Variants in TANK observed in about 807,000 individuals in gnomAD.
TANK encodes TRAF family member associated NFKB activator, also known as TRAF family member-associated NF-kappa-B activator.
TANK carries 15 observed loss-of-function variants against 43.6 expected under a neutral mutation model. The ratio of observed to expected loss-of-function variants is 0.34; its 90% CI spans 0.23 to 0.53. The LOEUF is 0.53. Among genes scored for constraint, TANK ranks in the 20% least tolerant of loss-of-function variants. The probability of loss-of-function intolerance (pLI) is 0.94; values close to 1 mark genes in which losing one functional copy is unlikely to be tolerated. For synonymous variants in TANK, 162 were observed against 178.2 expected, an observed-to-expected ratio of 0.91 and a Z score of 0.73; for missense variants, 417 against 498.6, an observed-to-expected ratio of 0.84 and a Z score of 1.56.
chr2:161,177,260 CATT>C (rs1469629605), intron 1 of TANK, among the ~76,000 whole-genome samples: 1 of 152,098 alleles, frequency 6.6e-6, no homozygotes, highest in Non-Finnish European at 1.5e-5. Context: ...AAAGTAATGA[CATT>C]GTTATCCAAA....
chr2:161,148,666 A>T (rs757281230), intron 1 of TANK, among the ~76,000 whole-genome samples: 3 of 152,102 alleles, frequency 2.0e-5, no homozygotes, highest in Non-Finnish European at 4.4e-5. Flanking sequence ...ATATTTAGGT[A>T]ATTGATCGAT....
At chr2:161,160,912 C>A in intron 1 of TANK, 1 of 426,576 alleles carries the variant, frequency 2.3e-6, no homozygotes, top group South Asian at 1.9e-5. Context: ...GTTACTCTTT[C>A]GAAAACTTAA....
Position 161,201,112 on chromosome 2 carries a change from ACT to A in TANK, c.100-2372_100-2371del. 3 of 985,116 alleles carry A rather than the reference ACT, an allele frequency of 3.0e-6. No homozygotes were observed. In the South Asian group the frequency reaches 1.4e-4, roughly 46 times the overall value. 61.0% of individuals were successfully genotyped at this position (985,116 alleles called of 1,614,324 possible). A position where few individuals can be genotyped will look rare whatever the true frequency, so the allele number is the denominator to read the frequency against. ...TGAAAAGTGTAGGAGGAAAACATGG[ACT>A]CTTGCTGTTCTGTTTCCCTTACTAT... On this transcript the variant is annotated intron_variant, in intron 2 of 7. Coordinates refer to ENST00000392749, the MANE Select transcript of TANK (RefSeq NM_001199135.3).
intron 2 of TANK, among the ~76,000 whole-genome samples, chr2:161,181,950 C>T (rs1685448235): frequency 1.3e-5 from 2 of 152,036 alleles, no homozygotes; most frequent in African/African-American, 4.8e-5. Flanking sequence ...CTGTGAAACT[C>T]TGAAGTCTAA....
At position 161,231,119 on chromosome 2, in the gene TANK, C is replaced by G. The variant is rs776230993; in HGVS notation, c.669C>G (p.Asp223Glu). ...GAGGACTGTGCAGAGATGAGGAAGACACCTCTTTTGAATCACTTTCTAAAT... is the reference window on the plus strand; with the variant it reads ...GAGGACTGTGCAGAGATGAGGAAGAGACCTCTTTTGAATCACTTTCTAAAT... Reference protein sequence around the residue: ...TPRGLCRDEEDTSFESLSKFN... With the variant: ...TPRGLCRDEEETSFESLSKFN... Residue 223 changes from aspartate to glutamate, a missense_variant, in exon 7 of 8, where the codon GAC becomes GAG. Transcript: ENST00000392749. 1 of 1,614,124 alleles carries G rather than the reference C, an allele frequency of 6.2e-7. No individual in the cohort carries two copies. Among genetic ancestry groups the G allele is most frequent in the Admixed American group, 1.7e-5 (1 of 60,024 alleles).
intron 6 of TANK, among the ~76,000 whole-genome samples, chr2:161,226,332 C>T (rs1687612912): frequency 6.6e-6 from 1 of 152,022 alleles, no homozygotes; most frequent in African/African-American, 2.4e-5. Flanking sequence ...AACAGTGTCA[C>T]AAATAATAAG....
At chr2:161,147,653 T>G (rs531393279) in intron 1 of TANK, among the ~76,000 whole-genome samples, 1 of 152,334 alleles carries the variant, frequency 6.6e-6, no homozygotes, top group East Asian at 1.9e-4. Flanking sequence ...CCTGGTCAGT[T>G]CTGATGACAG....
intron 7 of TANK, among the ~76,000 whole-genome samples, chr2:161,233,905 T>A (rs945090439): frequency 1.3e-5 from 2 of 152,186 alleles, no homozygotes; most frequent in African/African-American, 4.8e-5. Flanking sequence ...AACTAGATTT[T>A]TGTTTGTATG....
chr2:161,208,105 C>T (rs1421321422), intron 4 of TANK: 8 of 956,892 alleles, frequency 8.4e-6, no homozygotes, highest in Non-Finnish European at 7.5e-6. Context: ...TTTCTTTAGA[C>T]AATTTGTTTT....
intron 1 of TANK, among the ~76,000 whole-genome samples, chr2:161,172,874 C>T (rs1043912988): frequency 6.6e-6 from 1 of 152,262 alleles, no homozygotes; most frequent in South Asian, 2.1e-4. Flanking sequence ...TTCCCCTGCT[C>T]TAGTTCAAGC....
chr2:161,203,456 A>G (rs1485097462), intron 2 of TANK, 31 bp from the exon 3 acceptor site: 1 of 1,443,450 alleles, frequency 6.9e-7, no homozygotes, highest in East Asian at 2.3e-5. Context: ...CTATCAGTGA[A>G]TATCAGGCTA....
At chr2:161,212,107 C>A in intron 4 of TANK, 1 of 548,798 alleles carries the variant, frequency 1.8e-6, no homozygotes, top group Non-Finnish European at 2.3e-6. Context: ...GTCACCCATA[C>A]TGGGGTGCAG....
At chr2:161,139,598 T>C (rs2105206904) in intron 1 of TANK, 1 of 577,650 alleles carries the variant, frequency 1.7e-6, no homozygotes, top group South Asian at 7.6e-5. Flanking sequence ...GATTTATTGT[T>C]GCTCCAATTA....
intron 2 of TANK, among the ~76,000 whole-genome samples, chr2:161,190,635 G>A (rs969670071): frequency 3.3e-5 from 5 of 152,256 alleles, no homozygotes; most frequent in Admixed American, 2.6e-4. Flanking sequence ...AAAATGGAAA[G>A]AAAATTGTAC....
intron 4 of TANK, among the ~76,000 whole-genome samples, chr2:161,214,113 A>C (rs140985574): frequency 1.3e-5 from 2 of 152,334 alleles, no homozygotes; most frequent in Non-Finnish European, 2.9e-5. Flanking sequence ...GCTTACTGTG[A>C]CAGGTACAGG....
chr2:161,181,558 A>C (rs1346379859), intron 2 of TANK, among the ~76,000 whole-genome samples: 1 of 152,210 alleles, frequency 6.6e-6, no homozygotes, highest in East Asian at 1.9e-4. Context: ...CAATCATGGC[A>C]GAAGGCAAAG....
Position 161,231,185 on chromosome 2 carries a change from C to G in TANK, c.735C>G (p.Phe245Leu), listed in dbSNP as rs199974071. 1 of 1,614,002 alleles carries G rather than the reference C, an allele frequency of 6.2e-7. No individual in the cohort carries two copies. Among genetic ancestry groups the G allele is most frequent in the African/African-American group, 1.3e-5 (1 of 75,040 alleles). ...KFPPMDNDST[F>L]LHSTPERPGI... is the part of the protein sequence containing the mutation. ...CACCTATGGACAATGACTCAACTTT[C>G]TTACATAGCACTCCAGAGAGACCCG... is the stretch of plus-strand genomic sequence containing the variant. Residue 245 changes from phenylalanine to leucine, a missense_variant, in exon 7 of 8, where the codon TTC becomes TTG. Transcript: ENST00000392749.
chr2:161,177,888 C>T (rs1399320130), intron 1 of TANK, among the ~76,000 whole-genome samples: 1 of 152,020 alleles, frequency 6.6e-6, no homozygotes, highest in Admixed American at 6.6e-5. Flanking sequence ...GATAAATTGC[C>T]AGAGTTACAC....
At chr2:161,212,448 C>G in intron 4 of TANK, 1 of 984,030 alleles carries the variant, frequency 1.0e-6, no homozygotes, top group Non-Finnish European at 1.2e-6. Context: ...AACTGTGTTT[C>G]CAATCTAAAT....
Sources: gnomAD v4.1 joint callset for allele counts (sites outside exome capture counted in the v4.1 genomes callset) on GRCh38, gnomAD v4.1.1 for gene constraint, MANE v1.5 for transcripts, NCBI Gene and HGNC (gene_info 2026-07-23, HGNC 2026-07-21) for gene names.